FUT8: variants seen among roughly 807,000 people sequenced by gnomAD.
FUT8 encodes the protein alpha-(1,6)-fucosyltransferase.
Under a neutral mutation model 71.3 loss-of-function variants are expected in FUT8, and 29 were observed. The observed-to-expected ratio is 0.41, with a 90% CI of 0.30 to 0.55. The LOEUF (loss-of-function observed/expected upper bound fraction) is 0.55. Among genes scored for constraint, FUT8 ranks in the 20% least tolerant of loss-of-function variants. FUT8 has a pLI of 0.34. For synonymous variants in FUT8, 254 were observed against 239.3 expected, an observed-to-expected ratio of 1.06 and a Z score of -0.57; for missense variants, 544 against 702.1, an observed-to-expected ratio of 0.77 and a Z score of 2.55.
intron 6 of FUT8, among the ~76,000 whole-genome samples, chr14:65,641,933 T>TAG (rs1367042935): frequency 5.4e-5 from 8 of 149,400 alleles, no homozygotes; most frequent in Non-Finnish European, 8.9e-5. Context: ...ATGAGTCCTT[T>TAG]GTCTGATGTG....
At chr14:65,683,548 A>T (rs1893138399) in intron 7 of FUT8, among the ~76,000 whole-genome samples, 1 of 152,246 alleles carries the variant, frequency 6.6e-6, no homozygotes, top group South Asian at 2.1e-4. Flanking sequence ...GCCATGAAAG[A>T]TTTATATTTT....
chr14:65,722,712 A>G (rs1409470480), intron 8 of FUT8, among the ~76,000 whole-genome samples: 2 of 152,210 alleles, frequency 1.3e-5, no homozygotes, highest in East Asian at 1.9e-4. Context: ...ATTATGAAGG[A>G]TGTGGGAAGG....
At chr14:65,708,286 C>T (rs759406043) in intron 7 of FUT8, among the ~76,000 whole-genome samples, 4 of 152,234 alleles carry the variant, frequency 2.6e-5, no homozygotes, top group Non-Finnish European at 5.9e-5. Context: ...AGGTGCCTTA[C>T]TTTCCCTTCG....
At chr14:65,505,768 TA>T (rs927558103) in intron 2 of FUT8, among the ~76,000 whole-genome samples, 74 of 152,296 alleles carry the variant, frequency 4.9e-4, no homozygotes, top group African/African-American at 1.6e-3. Context: ...TTTTTTGCTA[TA>T]TTTTTTTTCT....
chr14:65,638,642 T>G lies in FUT8; in HGVS notation c.597+9036T>G, dbSNP rs1890686495. On this transcript the variant is annotated intron_variant, in intron 6 of 10. Coordinates refer to ENST00000673929, the MANE Select transcript of FUT8 (RefSeq NM_001371533.1). The surrounding 1 kb of genome is among the most constrained non-coding windows in gnomAD (Gnocchi z 4.5). Reference sequence around the variant, plus strand: ...ATTATTGAGGCTATTAAACATACATTTCAGCTTATGGAACCCCTCACTCCA... The same window carrying G: ...ATTATTGAGGCTATTAAACATACATGTCAGCTTATGGAACCCCTCACTCCA... 6.6e-6 allele frequency among the ~76,000 whole-genome samples: 1 copy of G among 152,140 alleles called. No individual in the cohort carries two copies. Among genetic ancestry groups the G allele is most frequent in the Non-Finnish European group, 1.5e-5 (1 of 68,014 alleles).
chr14:65,529,113 ACATTGATTCTAAT>A (rs1332374975), intron 2 of FUT8: 3 of 162,550 alleles, frequency 1.8e-5, no homozygotes, highest in African/African-American at 7.2e-5. Flanking sequence ...CCATCAAAGC[ACATTGATTCTAAT>A]CATCTGTTTT....
chr14:65,617,237 A>T, intron 5 of FUT8: 1 of 1,465,996 alleles, frequency 6.8e-7, no homozygotes, highest in Non-Finnish European at 9.0e-7. Context: ...TATTATAATG[A>T]TTTTGAAAAA....
chr14:65,438,156 A>C (rs981010795), intron 1 of FUT8, among the ~76,000 whole-genome samples: 1 of 152,224 alleles, frequency 6.6e-6, no homozygotes, highest in Non-Finnish European at 1.5e-5. Flanking sequence ...TATATCAAGA[A>C]TATTTCAGTC....
At chr14:65,699,372 T>A (rs1047988001) in intron 7 of FUT8, among the ~76,000 whole-genome samples, 12 of 152,200 alleles carry the variant, frequency 7.9e-5, no homozygotes, top group Non-Finnish European at 1.3e-4. Context: ...ACTGGTCATC[T>A]GTAAGTGTAC....
At chr14:65,498,721 C>T (rs1283689367) in intron 2 of FUT8, among the ~76,000 whole-genome samples, 1 of 152,190 alleles carries the variant, frequency 6.6e-6, no homozygotes, top group Non-Finnish European at 1.5e-5. Flanking sequence ...CTGACAGTCT[C>T]TGTCTGACTT....
At chr14:65,503,440 GAC>G (rs1213655652) in intron 2 of FUT8, among the ~76,000 whole-genome samples, 1 of 152,152 alleles carries the variant, frequency 6.6e-6, no homozygotes, top group Non-Finnish European at 1.5e-5. Flanking sequence ...CTCTGCTTTT[GAC>G]AGTTTCATAT....
At chr14:65,653,452 A>T (rs1350385659) in intron 6 of FUT8, among the ~76,000 whole-genome samples, 1 of 152,236 alleles carries the variant, frequency 6.6e-6, no homozygotes, top group Non-Finnish European at 1.5e-5. Context: ...TGAAGAAAAG[A>T]AAAGAAATTG....
upstream of FUT8, chr14:65,410,575 G>GTTTTTT (rs35855271): frequency 8.2e-6 from 1 of 122,016 alleles, no homozygotes. Context: ...CCTAGGACAG[G>GTTTTTT]TTTTTTTTTT....
In FUT8 at chr14:65,421,377, G is replaced by A. The variant is rs866303145; in HGVS notation, c.-326+8163G>A. Among the ~76,000 whole-genome samples, 11 of 152,172 alleles carry A rather than the reference G, an allele frequency of 7.2e-5. No homozygotes were observed. In the Middle Eastern group the frequency reaches 0.024, roughly 329 times the overall value. ...CATGGTAGAGGTGGAAGGGGGAAGG[G>A]GAGGCGTGAGAGGCAGGCACACATG... On this transcript the variant is annotated intron_variant, in intron 1 of 10. Coordinates refer to ENST00000673929, the MANE Select transcript of FUT8 (RefSeq NM_001371533.1).
At chr14:65,700,620 C>T (rs1046759556) in intron 7 of FUT8, among the ~76,000 whole-genome samples, 5 of 151,912 alleles carry the variant, frequency 3.3e-5, no homozygotes, top group African/African-American at 9.7e-5. Context: ...AGGATGGTCT[C>T]GATCTCCTGA....
At chr14:65,576,781 G>A (rs554091493) in intron 3 of FUT8, among the ~76,000 whole-genome samples, 6 of 133,760 alleles carry the variant, frequency 4.5e-5, no homozygotes, top group South Asian at 4.7e-4. Context: ...GTGTAATGGC[G>A]CGATCTCAGC....
At chr14:65,423,454 G>C (rs2065332786) in intron 1 of FUT8, among the ~76,000 whole-genome samples, 1 of 151,892 alleles carries the variant, frequency 6.6e-6, no homozygotes, top group Admixed American at 6.6e-5. Context: ...GTAGAGACTG[G>C]GGTTTCACAG....
At chr14:65,527,439 A>G (rs991433059) in intron 2 of FUT8, among the ~76,000 whole-genome samples, 12 of 151,900 alleles carry the variant, frequency 7.9e-5, no homozygotes, top group Admixed American at 5.2e-4. Flanking sequence ...ACTTCTCTAC[A>G]CTGGTTATTC....
chr14:65,694,850 A>G (rs1246871280), intron 7 of FUT8, among the ~76,000 whole-genome samples: 2 of 135,946 alleles, frequency 1.5e-5, no homozygotes, highest in East Asian at 4.5e-4. Context: ...CAATGAGAAC[A>G]CATGGACACA....
Sources: allele counts gnomAD v4.1 joint callset (sites outside exome capture counted in the v4.1 genomes callset), GRCh38; gene constraint gnomAD v4.1.1; non-coding constraint Gnocchi (gnomAD v3.1); transcripts MANE v1.5; gene names NCBI Gene and HGNC (gene_info 2026-07-23, HGNC 2026-07-21).